Variants in AIG1 observed in about 807,000 individuals in gnomAD.
AIG1 encodes androgen-induced gene 1 protein.
Under a neutral mutation model 31.4 loss-of-function variants are expected in AIG1, and 23 were observed. The observed-to-expected ratio is 0.73, with a 90% CI of 0.53 to 1.04. The LOEUF (loss-of-function observed/expected upper bound fraction) is 1.04, where lower values mean the gene tolerates loss of function less well. Among genes scored for constraint, AIG1 ranks in the 50% least tolerant of loss-of-function variants. The probability of loss-of-function intolerance (pLI) is 0.00; values close to 1 mark genes in which losing one functional copy is unlikely to be tolerated. For synonymous variants in AIG1, 100 were observed against 110.5 expected (o/e 0.90, Z 0.60); for missense variants, 274 against 295.0 (o/e 0.93, Z 0.52).
intron 4 of AIG1, among the ~76,000 whole-genome samples, chr6:143,304,970 C>A (rs367746222): frequency 0.13 from 19,303 of 151,934 alleles, 2,136 homozygotes; most frequent in African/African-American, 0.3. Flanking sequence ...TGTATGTGTC[C>A]AGGAATTTAT....
chr6:143,306,970 C>T (rs911781015), intron 4 of AIG1, among the ~76,000 whole-genome samples: 2 of 152,184 alleles, frequency 1.3e-5, no homozygotes, highest in Admixed American at 6.5e-5. Context: ...ATCACTGATA[C>T]CCTTTCTTCC....
chr6:143,319,777 T>C (rs1287434338), intron 4 of AIG1, among the ~76,000 whole-genome samples: 3 of 151,642 alleles, frequency 2.0e-5, no homozygotes, highest in Non-Finnish European at 4.4e-5. Context: ...AGAGGAAACA[T>C]TACAACTGAA....
At chr6:143,296,504 CT>C (rs1358032226) in intron 4 of AIG1, among the ~76,000 whole-genome samples, 20 of 152,178 alleles carry the variant, frequency 1.3e-4, no homozygotes, top group Non-Finnish European at 1.2e-4. Context: ...ACAGGGACCC[CT>C]ATCCTGCCCA....
At chr6:143,322,411 C>G (rs141721890) in intron 4 of AIG1, among the ~76,000 whole-genome samples, 10 of 152,144 alleles carry the variant, frequency 6.6e-5, no homozygotes, top group African/African-American at 2.4e-4. Context: ...TTGCTTGGGC[C>G]GTTACAGTGC....
intron 1 of AIG1, among the ~76,000 whole-genome samples, chr6:143,064,454 C>T (rs1191442333): frequency 1.3e-5 from 2 of 152,162 alleles, no homozygotes; most frequent in African/African-American, 2.4e-5. Flanking sequence ...TTTCCAGGAA[C>T]ACATACCTGC....
chr6:143,243,047 A>G (rs914835700), intron 3 of AIG1, among the ~76,000 whole-genome samples: 3 of 152,098 alleles, frequency 2.0e-5, no homozygotes, highest in Non-Finnish European at 4.4e-5. Flanking sequence ...GATCTACAAA[A>G]TGTTTGTGGG....
Position 143,284,442 on chromosome 6 carries a change from A to G in AIG1, c.515+217A>G, listed in dbSNP as rs1797558808. 1.3e-5 allele frequency among the ~76,000 whole-genome samples: 2 copies of G among 152,198 alleles called. No individual in the cohort carries two copies. The highest frequency in any genetic ancestry group is 4.8e-5 in the African/African-American group (2 of 41,436). ...AGGAATTTGTTGAACAATCCCATGT[A>G]AGCAGTGGTTCTTCCAAGGCTACAT... is the stretch of plus-strand genomic sequence containing the variant. On this transcript the variant is annotated intron_variant, in intron 4 of 5. Coordinates refer to ENST00000357847, the MANE Select transcript of AIG1 (RefSeq NM_016108.4). This position sits in a 1 kb window ranked among gnomAD's most constrained non-coding sequence, Gnocchi z 4.4.
rs188922484 is a variant in AIG1 at position 143,226,013 on chromosome 6, A to T, written c.400-58097A>T. Among the ~76,000 whole-genome samples, 492 of 152,310 alleles carry T rather than the reference A, an allele frequency of 3.2e-3. 1 individual carries two copies. Among genetic ancestry groups the T allele is most frequent in the Non-Finnish European group, 5.7e-3 (386 of 68,026 alleles). On this transcript the variant is annotated intron_variant, in intron 3 of 5. Coordinates refer to ENST00000357847, the MANE Select transcript of AIG1 (RefSeq NM_016108.4). ...TAAAAAACAAAAAAAATTGCTCCAG[A>T]TCTCTTTAAGAGAAAGCTGCTCATT...
intron 3 of AIG1, among the ~76,000 whole-genome samples, chr6:143,204,453 C>T (rs1790948805): frequency 6.6e-6 from 1 of 152,108 alleles, no homozygotes; most frequent in Non-Finnish European, 1.5e-5. Context: ...CCACCAGCCT[C>T]TTAGGGTAGT....
intron 3 of AIG1, among the ~76,000 whole-genome samples, chr6:143,252,659 C>T (rs1206264909): frequency 2.0e-5 from 3 of 152,178 alleles, no homozygotes; most frequent in Non-Finnish European, 4.4e-5. Context: ...TAGATGTCTA[C>T]GTTTGGTTAG....
chr6:143,133,408 GC>G (rs1241407505), intron 1 of AIG1, among the ~76,000 whole-genome samples: 4 of 152,080 alleles, frequency 2.6e-5, no homozygotes, highest in Non-Finnish European at 4.4e-5. Flanking sequence ...TCCTGAATGA[GC>G]TTTGAGAATT....
In AIG1 at chr6:143,108,549, G is replaced by A. The variant is rs184429611; in HGVS notation, c.142-28286G>A. Among the ~76,000 whole-genome samples, 10 of 152,288 alleles carry A rather than the reference G, an allele frequency of 6.6e-5. No individual in the cohort carries two copies. The East Asian group carries it at 1.5e-3, about 24-fold the overall frequency. ...GATTTCTCACTTAACAACTTCAGCT[G>A]GGATGGGGCCCAGAATCTGGCTCTG... On this transcript the variant is annotated intron_variant, in intron 1 of 5. Coordinates refer to ENST00000357847, the MANE Select transcript of AIG1 (RefSeq NM_016108.4).
chr6:143,188,624 T>C, intron 3 of AIG1: 1 of 985,080 alleles, frequency 1.0e-6, no homozygotes, highest in Non-Finnish European at 1.2e-6. Context: ...CAGATTTGTA[T>C]ATAAAATCTG....
intron 3 of AIG1, among the ~76,000 whole-genome samples, chr6:143,230,060 G>C (rs1252004463): frequency 1.3e-5 from 2 of 152,096 alleles, no homozygotes; most frequent in African/African-American, 2.4e-5. Flanking sequence ...CTCAAACGTG[G>C]AGATTGGCTT....
At chr6:143,212,513 G>A (rs1045393530) in intron 3 of AIG1, among the ~76,000 whole-genome samples, 2 of 152,114 alleles carry the variant, frequency 1.3e-5, no homozygotes, top group Non-Finnish European at 2.9e-5. Flanking sequence ...AGGGTCTAAG[G>A]CAATGACTTC....
intron 4 of AIG1, among the ~76,000 whole-genome samples, chr6:143,317,490 T>C (rs1057361163): frequency 3.9e-5 from 6 of 152,246 alleles, no homozygotes; most frequent in African/African-American, 1.2e-4. Context: ...AAAATTGGCA[T>C]TGAAGGGGCA....
At chr6:143,176,600 G>A (rs1179015572) in intron 3 of AIG1, among the ~76,000 whole-genome samples, 1 of 152,164 alleles carries the variant, frequency 6.6e-6, no homozygotes, top group Non-Finnish European at 1.5e-5. Context: ...TGTCTCTGCT[G>A]TGTGACACAG....
intron 4 of AIG1, among the ~76,000 whole-genome samples, chr6:143,306,360 G>A (rs1457304229): frequency 5.3e-5 from 8 of 152,168 alleles, no homozygotes; most frequent in African/African-American, 1.9e-4. Flanking sequence ...TCAGTGGCTG[G>A]TACTGGTTGT....
intron 3 of AIG1, among the ~76,000 whole-genome samples, chr6:143,194,926 G>A (rs551992575): frequency 6.6e-6 from 1 of 152,218 alleles, no homozygotes; most frequent in Non-Finnish European, 1.5e-5. Flanking sequence ...AGTACTACGG[G>A]GGAGTCCCTA....
Sources: gnomAD v4.1 joint callset for allele counts (sites outside exome capture counted in the v4.1 genomes callset) on GRCh38, gnomAD v4.1.1 for gene constraint, Gnocchi (gnomAD v3.1) non-coding constraint, MANE v1.5 for transcripts, NCBI Gene and HGNC (gene_info 2026-07-23, HGNC 2026-07-21) for gene names.